The following TTN variants were observed in gnomAD, a reference collection of about 807,000 sequenced individuals.
The protein encoded by TTN is titin.
Under a neutral mutation model 3,223.0 loss-of-function variants are expected in TTN, and 1,525 were observed. The ratio of observed to expected loss-of-function variants is 0.47; its 90% CI spans 0.45 to 0.49. TTN has a LOEUF of 0.49. Ranked by LOEUF, TTN falls within the 20% of genes least tolerant of loss-of-function variation. TTN has a pLI of 0.00. For missense variants in TTN, 40,786 were observed against 43,424.0 expected (o/e 0.94, Z 5.40); for synonymous variants, 14,094 against 15,161.0 (o/e 0.93, Z 5.17).
rs756494781 is a variant in TTN, at chr2:178,587,219, A to G, written c.63992T>C (p.Val21331Ala). 9 of 1,613,144 alleles carry G rather than the reference A, an allele frequency of 5.6e-6. No individual in the cohort carries two copies. Among genetic ancestry groups the G allele is most frequent in the Non-Finnish European group, 7.6e-6 (9 of 1,179,474 alleles). The change falls in exon 307 of 363, where the codon GTC (valine) becomes GCC (alanine). Residue 21331 changes from valine to alanine, a missense_variant. Transcript: ENST00000589042. Reference sequence around the variant, plus strand: ...TCTGAAGTAATACTCATTCCCAGGGACAAGATTGGTTACATGGAAGCTTGT... The same window carrying G: ...TCTGAAGTAATACTCATTCCCAGGGGCAAGATTGGTTACATGGAAGCTTGT... Reference protein sequence around the residue: ...KKTSFHVTNLVPGNEYYFRVT... With the variant: ...KKTSFHVTNLAPGNEYYFRVT...
Position 178,593,644 on chromosome 2 carries a change from G to A in TTN, c.58656C>T (p.Phe19552=). 3.7e-6 allele frequency: 6 copies of A among 1,613,052 alleles called. No homozygotes were observed. The highest frequency in any genetic ancestry group is 5.1e-6 in the Non-Finnish European group (6 of 1,179,566). Residue 19552 remains phenylalanine (F), a synonymous_variant, in exon 298 of 363, where the codon TTC becomes TTT. Coordinates refer to ENST00000589042, the MANE Select transcript of TTN (RefSeq NM_001267550.2). ...SKLLEGKDYI[F]RIHAENLYGI... is the part of the protein sequence containing the mutation. ...CATACAGATTTTCAGCATGTATCCG[G>A]AAAATATAATCTTTTCCTTCAAGTA...
intron 100 of TTN, 127 bp downstream of exon 100, chr2:178,707,399 C>T (rs1027094462): frequency 2.4e-5 from 27 of 1,143,034 alleles, no homozygotes; most frequent in African/African-American, 3.1e-5. Flanking sequence ...AAGGAGCCTA[C>T]AAATTGCAGA....
At chr2:178,699,484 T>C (rs2074447395) in intron 111 of TTN, among the ~76,000 whole-genome samples, 1 of 123,020 alleles carries the variant, frequency 8.1e-6, no homozygotes, top group African/African-American at 3.0e-5. Context: ...CAATCTCGGC[T>C]CACTGCAAGC....
In TTN at chr2:178,530,601, T is replaced by C; in HGVS notation, c.106014A>G (p.Ala35338=). 6.2e-7 allele frequency: 1 copy of C among 1,614,082 alleles called. No homozygotes were observed. Among genetic ancestry groups the C allele is most frequent in the Non-Finnish European group, 8.5e-7 (1 of 1,179,912 alleles). Residue 35338 remains alanine (A), a synonymous_variant, in exon 358 of 363, where the codon GCA becomes GCG. Transcript: ENST00000589042. ...ENGHFQFHYS[A]DGTYELKINN... is the part of the protein sequence containing the mutation. Reference sequence around the variant, plus strand: ...TGATTTTGAGCTCATAGGTACCATCTGCTGAATAATGAAACTGGAAATGCC... The same window carrying C: ...TGATTTTGAGCTCATAGGTACCATCCGCTGAATAATGAAACTGGAAATGCC...
rs1255499093 is a variant in TTN at position 178,795,002 on chromosome 2, T to C, written c.1165A>G (p.Ser389Gly). ...RYGVQEQVTI[S>G]GAAGAAASVS... is the part of the protein sequence containing the mutation. Reference sequence around the variant, plus strand: ...CTGGCGGCAGCACCCGCAGCACCACTGATGGTCACTTGCTCCTGGACACCG... The same window carrying C: ...CTGGCGGCAGCACCCGCAGCACCACCGATGGTCACTTGCTCCTGGACACCG... The change falls in exon 7 of 363, where the codon AGT (serine) becomes GGT (glycine). Residue 389 changes from serine (S) to glycine (G), a missense_variant. Coordinates refer to ENST00000589042, the MANE Select transcript of TTN (RefSeq NM_001267550.2). The C allele has an allele frequency of 1.9e-6, 3 of 1,610,268 alleles. No individual in the cohort carries two copies. The highest frequency in any genetic ancestry group is 2.5e-6 in the Non-Finnish European group (3 of 1,179,994).
At chr2:178,606,106 G>A (rs2054731369) in intron 278 of TTN, among the ~76,000 whole-genome samples, 3 of 151,996 alleles carry the variant, frequency 2.0e-5, no homozygotes, top group Admixed American at 1.3e-4. Flanking sequence ...TAGTGGATAT[G>A]TCTATGAACA....
At chr2:178,604,644 A>C in intron 281 of TTN, 64 bp downstream of exon 281, 1 of 1,464,504 alleles carries the variant, frequency 6.8e-7, no homozygotes, top group Admixed American at 2.3e-5. Context: ...GGTTATATTA[A>C]AATGGCATCA....
intron 1 of TTN, among the ~76,000 whole-genome samples, chr2:178,806,848 G>T (rs982713993): frequency 2.6e-5 from 4 of 152,178 alleles, no homozygotes; most frequent in Non-Finnish European, 5.9e-5. Flanking sequence ...TATTCTTGGT[G>T]TGCTTAACTT....
At position 178,584,506 on chromosome 2, in the gene TTN, C is replaced by T; in HGVS notation, c.65045G>A (p.Arg21682Lys). 1 of 1,613,250 alleles carries T rather than the reference C, an allele frequency of 6.2e-7. No homozygotes were observed. Among genetic ancestry groups the T allele is most frequent in the Non-Finnish European group, 8.5e-7 (1 of 1,179,540 alleles). The change falls in exon 311 of 363, where the codon AGA becomes AAA. Residue 21682 changes from arginine (R) to lysine (K), a missense_variant. Arg to Lys is a conservative substitution (Grantham distance 26). Coordinates refer to ENST00000589042, the MANE Select transcript of TTN (RefSeq NM_001267550.2). ...GGGGCTCCCTCCATCACTATCTGGT[C>T]TGTCCCAAGCAACAAAAATACAGTC... ...NKDCIFVAWD[R>K]PDSDGGSPII... is the part of the protein sequence containing the mutation.
At chr2:178,529,331 T>C (rs918204607) in intron 359 of TTN, 112 bp from the exon 360 acceptor site, 4 of 816,114 alleles carry the variant, frequency 4.9e-6, no homozygotes, top group Non-Finnish European at 7.2e-6. Context: ...AACTTCTTCA[T>C]GCAATGTAGG....
At position 178,569,376 on chromosome 2, in the gene TTN, T is replaced by G. The variant is rs757243379; in HGVS notation, c.76756A>C (p.Ser25586Arg). Residue 25586 changes from serine to arginine, a missense_variant, in exon 326 of 363, where the codon AGC becomes CGC. Physicochemically the swap from Ser to Arg is moderately radical, Grantham distance 110. Transcript: ENST00000589042. ...ACAAAGGCAGACTTTGTTCCACTGCTGTTTTCTAATGTAAGCGTATATTTT... is the reference window on the plus strand; with the variant it reads ...ACAAAGGCAGACTTTGTTCCACTGCGGTTTTCTAATGTAAGCGTATATTTT... ...SGKYTLTLENSSGTKSAFVTV... is the reference protein window; with the variant it reads ...SGKYTLTLENRSGTKSAFVTV... The G allele has an allele frequency of 2.5e-6, 4 of 1,613,330 alleles. No individual in the cohort carries two copies. The East Asian group carries it at 6.7e-5, about 27-fold the overall frequency.
At position 178,675,917 on chromosome 2, in the gene TTN, A is replaced by T. The variant is rs763882676; in HGVS notation, c.34453+4T>A. 6.2e-7 allele frequency: 1 copy of T among 1,606,484 alleles called. No individual in the cohort carries two copies. The highest frequency in any genetic ancestry group is 1.1e-5 in the South Asian group (1 of 89,540). On this transcript the variant is annotated splice_donor_region_variant and intron_variant, in intron 148 of 362. Coordinates refer to ENST00000589042, the MANE Select transcript of TTN (RefSeq NM_001267550.2). ...TAGTCTAATTTACTTCGGAATAGCA[A>T]TACCTTTGGCAGGGGGAGCCTCCTC...
At position 178,561,269 on chromosome 2, in the gene TTN, A is replaced by G; in HGVS notation, c.84863T>C (p.Ile28288Thr). 6 of 1,613,730 alleles carry G rather than the reference A, an allele frequency of 3.7e-6. No homozygotes were observed. The highest frequency in any genetic ancestry group is 2.2e-5 in the South Asian group (2 of 91,082). The stretch of plus-strand genomic sequence containing the variant: ...ATCTGGTAGTTCTCTGCGTTCAACA[A>G]TGTATCCTGTGATCTTAGCTCCACC... Reference protein sequence around the residue: ...YDGGAKITGYIVERRELPDGR... With the variant: ...YDGGAKITGYTVERRELPDGR... The change falls in exon 326 of 363, where the codon ATT becomes ACT. Residue 28288 changes from isoleucine (I) to threonine (T), a missense_variant. Ile to Thr is a moderately conservative substitution (Grantham distance 89). Transcript: ENST00000589042.
intron 102 of TTN, among the ~76,000 whole-genome samples, chr2:178,705,727 G>A (rs986237244): frequency 8.5e-5 from 13 of 152,128 alleles, no homozygotes; most frequent in South Asian, 2.1e-4. Flanking sequence ...TACATATCAC[G>A]GAAACGATGT....
intron 361 of TTN, 174 bp downstream of exon 361, chr2:178,528,100 T>C: frequency 1.4e-6 from 1 of 721,136 alleles, no homozygotes; most frequent in Non-Finnish European, 2.2e-6. Context: ...TATCCAAGTT[T>C]CTGTGTAGCT....
Position 178,720,095 on chromosome 2 carries a change from G to A in TTN, c.23547C>T (p.Asn7849=), listed in dbSNP as rs769226751. 3 of 1,613,624 alleles carry A rather than the reference G, an allele frequency of 1.9e-6. No individual in the cohort carries two copies. The highest frequency in any genetic ancestry group is 2.7e-5 in the African/African-American group (2 of 74,904). The part of the protein sequence containing the change: ...SENTRISFID[N]IATLQLGSPE... ...GACTCCCCAGCTGGAGGGTTGCAAT[G>A]TTATCAATGAATGAAATCCTGGTAT... Residue 7849 remains asparagine, a synonymous_variant, in exon 81 of 363, where the codon AAC becomes AAT. Transcript: ENST00000589042.
At chr2:178,695,090 C>G (rs1257244748) in intron 115 of TTN, among the ~76,000 whole-genome samples, 184 bp from the exon 116 acceptor site, 2 of 151,516 alleles carry the variant, frequency 1.3e-5, no homozygotes, top group Non-Finnish European at 3.0e-5. Context: ...TTACGCACAA[C>G]TTTGAACTCT....
intron 78 of TTN, 47 bp from the exon 79 acceptor site, chr2:178,721,249 G>C (rs978663234): frequency 7.3e-7 from 1 of 1,377,146 alleles, no homozygotes. Context: ...TATTATACAT[G>C]TTAAAAGAGC....
In TTN at chr2:178,634,033, C is replaced by A. The variant is rs878994668; in HGVS notation, c.42466G>T (p.Gly14156Cys). ...SPLEDQTVKE[G>C]ETATFVCELS... ...TCACAAACAAAAGTTGCTGTTTCAC[C>A]TTCTTTTACTGTTTGATCTTCAAGA... Residue 14156 changes from glycine to cysteine, a missense_variant, in exon 231 of 363, where the codon GGT becomes TGT. Transcript: ENST00000589042. This position sits in a 1 kb window ranked among gnomAD's most constrained non-coding sequence, Gnocchi z 4.6. 3 of 1,613,032 alleles carry A rather than the reference C, an allele frequency of 1.9e-6. No individual in the cohort carries two copies. The highest frequency in any genetic ancestry group is 2.5e-6 in the Non-Finnish European group (3 of 1,179,474).
Sources: gnomAD v4.1 joint callset for allele counts (sites outside exome capture counted in the v4.1 genomes callset) on GRCh38, gnomAD v4.1.1 for gene constraint, Gnocchi (gnomAD v3.1) non-coding constraint, MANE v1.5 for transcripts, NCBI Gene and HGNC (gene_info 2026-07-23, HGNC 2026-07-21) for gene names.